NINJ2: variants seen among roughly 807,000 people sequenced by gnomAD.
NINJ2 encodes the protein ninjurin 2.
Under a neutral mutation model 11.7 loss-of-function variants are expected in NINJ2, and 12 were observed. The ratio of observed to expected loss-of-function variants is 1.02; its 90% CI spans 0.66 to 1.66. The LOEUF is 1.66. NINJ2 is among the 40% of genes most tolerant of loss of function. The pLI, the probability that NINJ2 is intolerant of heterozygous loss-of-function variation, is 0.00. For synonymous variants in NINJ2, 93 were observed against 76.8 expected, an observed-to-expected ratio of 1.21 and a Z score of -1.10; for missense variants, 187 against 181.8, an observed-to-expected ratio of 1.03 and a Z score of -0.16.
chr12:598,550 G>A (rs1840968264), intron 1 of NINJ2, among the ~76,000 whole-genome samples: 1 of 152,184 alleles, frequency 6.6e-6, no homozygotes, highest in South Asian at 2.1e-4. Flanking sequence ...GAAAGGGGGG[G>A]AGACATTTAA....
Position 643,532 on chromosome 12 carries a change from C to T in NINJ2, c.33+19796G>A, listed in dbSNP as rs953641457. 5.1e-6 allele frequency: 5 copies of T among 987,990 alleles called. No homozygotes were observed. In the Admixed American group the frequency reaches 3.1e-4, roughly 61 times the overall value. 61.2% of individuals were successfully genotyped at this position (987,990 alleles called of 1,614,324 possible). A position where few individuals can be genotyped will look rare whatever the true frequency, so the allele number is the denominator to read the frequency against. On this transcript the variant is annotated intron_variant, in intron 1 of 3. Transcript: ENST00000305108. ...GTACCTCATGTCCCCTCACTTAATC[C>T]TCCCAAGACCTGTGGGGCGTGTCGT...
chr12:583,477 C>CT (rs755621955), intron 1 of NINJ2, among the ~76,000 whole-genome samples: 12 of 152,270 alleles, frequency 7.9e-5, no homozygotes, highest in Non-Finnish European at 1.6e-4. Context: ...CACCTGGCAC[C>CT]TGCCGCCTCT....
chr12:600,908 T>TA lies in NINJ2; in HGVS notation c.34-34731dup, dbSNP rs1947858448. Among the ~76,000 whole-genome samples, 3 of 152,156 alleles carry TA rather than the reference T, an allele frequency of 2.0e-5. No individual in the cohort carries two copies. The South Asian group carries it at 6.2e-4, about 32-fold the overall frequency. On this transcript the variant is annotated intron_variant, in intron 1 of 3. Coordinates refer to ENST00000305108, the MANE Select transcript of NINJ2 (RefSeq NM_016533.6). ...GGGTTGTTCTAGTATTTATGTAATT[T>TA]AAAAAAATCAATCTTGAGTTTTCAA... is the stretch of plus-strand genomic sequence containing the variant.
At chr12:579,448 G>A (rs1189443579) in intron 1 of NINJ2, among the ~76,000 whole-genome samples, 1 of 152,090 alleles carries the variant, frequency 6.6e-6, no homozygotes, top group African/African-American at 2.4e-5. Flanking sequence ...AATTCACCAT[G>A]ATGAAGAGAA....
At chr12:632,042 T>C (rs1450799110) in intron 1 of NINJ2, among the ~76,000 whole-genome samples, 2 of 152,070 alleles carry the variant, frequency 1.3e-5, no homozygotes, top group East Asian at 1.9e-4. Flanking sequence ...TGCTCAAGTT[T>C]TGGGGAAGGT....
At position 614,295 on chromosome 12, in the gene NINJ2, G is replaced by A. The variant is rs554934813; in HGVS notation, c.34-48117C>T. On this transcript the variant is annotated intron_variant, in intron 1 of 3. Coordinates refer to ENST00000305108, the MANE Select transcript of NINJ2 (RefSeq NM_016533.6). This position sits in a 1 kb window ranked among gnomAD's most constrained non-coding sequence, Gnocchi z 5.1. ...TTATACCTCATGACTTCTTGCATTC[G>A]GCTGAATATTCTAGACTGCATGAGG... Among the ~76,000 whole-genome samples the A allele has an allele frequency of 3.9e-5, 6 of 152,284 alleles. No homozygotes were observed. Among genetic ancestry groups the A allele is most frequent in the African/African-American group, 1.2e-4 (5 of 41,552 alleles).
rs1209670565 is a variant in NINJ2 at position 611,255 on chromosome 12, CTCTTTCTT to C, written c.34-45085_34-45078del. On this transcript the variant is annotated intron_variant, in intron 1 of 3. Coordinates refer to ENST00000305108, the MANE Select transcript of NINJ2 (RefSeq NM_016533.6). ...TCTTTCTTTCTTTCTTTCTCTCTCT[CTCTTTCTT>C]TCTTTCTTTCTCTCTCTCTTTCTTT... is the stretch of plus-strand genomic sequence containing the variant. Among the ~76,000 whole-genome samples the C allele has an allele frequency of 1.7e-3, 123 of 71,282 alleles. 3 individuals are homozygous for C. Among genetic ancestry groups the C allele is most frequent in the East Asian group, 6.4e-3 (16 of 2,486 alleles). 46.8% of individuals were successfully genotyped at this position (71,282 alleles called of 152,430 possible).
At chr12:638,837 C>T (rs943006899) in intron 1 of NINJ2, among the ~76,000 whole-genome samples, 3 of 152,224 alleles carry the variant, frequency 2.0e-5, no homozygotes, top group Admixed American at 6.5e-5. Flanking sequence ...CCATGCTCCA[C>T]CCTGCTTTAG....
intron 1 of NINJ2, among the ~76,000 whole-genome samples, chr12:574,440 T>C (rs2535419): frequency 0.36 from 54,862 of 152,020 alleles, 11,229 homozygotes; most frequent in Non-Finnish European, 0.47. Flanking sequence ...CCTGCTGTAA[T>C]AGTGTTGAGA....
chr12:593,991 A>G (rs1158300459), intron 1 of NINJ2, among the ~76,000 whole-genome samples: 1 of 152,226 alleles, frequency 6.6e-6, no homozygotes, highest in Non-Finnish European at 1.5e-5. Context: ...CATCACACTT[A>G]ATGGTAAAAA....
intron 1 of NINJ2, chr12:644,734 TA>T (rs1393851559): frequency 6.6e-6 from 1 of 152,250 alleles, no homozygotes; most frequent in African/African-American, 2.4e-5. Flanking sequence ...TTTAAATTAA[TA>T]ATTCCAAAAT....
chr12:617,814 G>A (rs1948111380), intron 1 of NINJ2, among the ~76,000 whole-genome samples: 1 of 152,056 alleles, frequency 6.6e-6, no homozygotes, highest in African/African-American at 2.4e-5. Flanking sequence ...TCCTAAGAAG[G>A]GGCCTCTCCC....
At chr12:574,539 TAA>T (rs11442110) in intron 1 of NINJ2, among the ~76,000 whole-genome samples, 13 of 143,338 alleles carry the variant, frequency 9.1e-5, no homozygotes, top group Admixed American at 3.5e-4. Flanking sequence ...ATCTCAGGAT[TAA>T]AAAAAAAAAA....
chr12:586,110 G>A lies in NINJ2; in HGVS notation c.34-19932C>T, dbSNP rs113650084. 9.0e-3 allele frequency: 1,312 copies of A among 145,158 alleles called. 9 individuals carry two copies. The highest frequency in any genetic ancestry group is 0.013 in the Non-Finnish European group (859 of 66,514). The allele number at this position is 145,158 out of a possible 1,614,324, so 9.0% of individuals were successfully genotyped here. A position where few individuals can be genotyped will look rare whatever the true frequency, so the allele number is the denominator to read the frequency against. Reference sequence around the variant, plus strand: ...CAAGTTGATTAAGGGTGAGCCTCAGGAATGAAGTCTAAAACAGGAAAAAAG... The same window carrying A: ...CAAGTTGATTAAGGGTGAGCCTCAGAAATGAAGTCTAAAACAGGAAAAAAG... On this transcript the variant is annotated intron_variant, in intron 1 of 3. Coordinates refer to ENST00000305108, the MANE Select transcript of NINJ2 (RefSeq NM_016533.6).
chr12:653,998 C>T (rs1937834105), intron 1 of NINJ2, among the ~76,000 whole-genome samples: 1 of 152,148 alleles, frequency 6.6e-6, no homozygotes, highest in African/African-American at 2.4e-5. Context: ...AGGAGTAAGA[C>T]TAGCCTGGGC....
chr12:618,266 T>TGAGGAGGTGGGGGTGAGGAGTTGGTAAC (rs111846761), intron 1 of NINJ2, among the ~76,000 whole-genome samples: 2 of 18,880 alleles, frequency 1.1e-4, no homozygotes, highest in South Asian at 2.8e-3. Flanking sequence ...GAGTTGGTAA[T>TGAGGAGGTGGGGGTGAGGAGTTGGTAAC]GAGGTGGGGG....
At chr12:649,247 A>G (rs1937748053) in intron 1 of NINJ2, among the ~76,000 whole-genome samples, 1 of 151,866 alleles carries the variant, frequency 6.6e-6, no homozygotes, top group Non-Finnish European at 1.5e-5. Flanking sequence ...GGGTTTTGCC[A>G]TGTTGGCCAG....
At position 585,336 on chromosome 12, in the gene NINJ2, C is replaced by G. The variant is rs1947617581; in HGVS notation, c.34-19158G>C. 6.6e-6 allele frequency among the ~76,000 whole-genome samples: 1 copy of G among 152,154 alleles called. No homozygotes were observed. Among genetic ancestry groups the G allele is most frequent in the Non-Finnish European group, 1.5e-5 (1 of 68,022 alleles). On this transcript the variant is annotated intron_variant, in intron 1 of 3. Transcript: ENST00000305108. The surrounding 1 kb of genome is among the most constrained non-coding windows in gnomAD (Gnocchi z 4.1). The stretch of plus-strand genomic sequence containing the variant: ...TGCCCATGCCAAGAGGGGTCCATAC[C>G]AACTTCCGGAATAAACGAGGCCAAA...
At chr12:579,777 T>C (rs1370741234) in intron 1 of NINJ2, among the ~76,000 whole-genome samples, 6 of 152,342 alleles carry the variant, frequency 3.9e-5, no homozygotes, top group South Asian at 2.1e-4. Flanking sequence ...CCTTTAAATA[T>C]TGAAATTCCC....
Sources: gnomAD v4.1 joint callset for allele counts (sites outside exome capture counted in the v4.1 genomes callset) on GRCh38, gnomAD v4.1.1 for gene constraint, Gnocchi (gnomAD v3.1) non-coding constraint, MANE v1.5 for transcripts, NCBI Gene and HGNC (gene_info 2026-07-23, HGNC 2026-07-21) for gene names.